Variants in ACVR1 observed in about 807,000 individuals in gnomAD.
ACVR1 encodes the protein activin receptor type-1.
In ACVR1, 38 loss-of-function variants were observed where a neutral mutation model predicts 57.1. The ratio of observed to expected loss-of-function variants is 0.67; its 90% CI spans 0.51 to 0.87. ACVR1 has a LOEUF of 0.87. ACVR1 is among the 40% of genes least tolerant of loss of function. ACVR1 has a pLI of 0.00. For synonymous variants in ACVR1, 212 were observed against 228.1 expected (o/e 0.93, Z 0.63); for missense variants, 463 against 638.2 (o/e 0.73, Z 2.96).
intron 3 of ACVR1, among the ~76,000 whole-genome samples, chr2:157,781,415 T>C (rs912940492): frequency 6.6e-6 from 1 of 152,220 alleles, no homozygotes; most frequent in African/African-American, 2.4e-5. Flanking sequence ...CAATCCATGG[T>C]ACCAATATTT....
intron 1 of ACVR1, among the ~76,000 whole-genome samples, chr2:157,822,147 C>T (rs763616861): frequency 6.6e-6 from 1 of 152,152 alleles, no homozygotes; most frequent in Non-Finnish European, 1.5e-5. Flanking sequence ...TGTATCTTGC[C>T]GTGGAATTGC....
intron 1 of ACVR1, among the ~76,000 whole-genome samples, chr2:157,868,560 CT>C: frequency 6.6e-6 from 1 of 151,996 alleles, no homozygotes; most frequent in East Asian, 1.9e-4. Context: ...CTTATATTTA[CT>C]TGCCCCATTC....
At chr2:157,863,336 C>CTTTTTTTTTTTTTTTTTTTTTTTTTTTTT (rs1161335923) in intron 1 of ACVR1, among the ~76,000 whole-genome samples, 1 of 35,674 alleles carries the variant, frequency 2.8e-5, no homozygotes, top group Admixed American at 6.0e-4. Context: ...AATTGTTTCT[C>CTTTTTTTTTTTTTTTTTTTTTTTTTTTTT]TTTTTTTTTT....
At chr2:157,865,475 G>A (rs954630332) in intron 1 of ACVR1, among the ~76,000 whole-genome samples, 4 of 152,150 alleles carry the variant, frequency 2.6e-5, no homozygotes, top group African/African-American at 9.7e-5. Flanking sequence ...ATACACAGGA[G>A]ATAGATGATT....
At chr2:157,831,757 T>C (rs182875845) in intron 1 of ACVR1, among the ~76,000 whole-genome samples, 133 of 152,310 alleles carry the variant, frequency 8.7e-4, no homozygotes, top group Non-Finnish European at 1.7e-3. Flanking sequence ...GAGAGCCCAA[T>C]CCTTGGCTTC....
chr2:157,769,834 C>G (rs927677916), intron 7 of ACVR1, among the ~76,000 whole-genome samples: 1 of 152,162 alleles, frequency 6.6e-6, no homozygotes, highest in Non-Finnish European at 1.5e-5. Context: ...AGTATTTCAA[C>G]GGGCACTTTA....
At chr2:157,786,179 A>T (rs1448962050) in intron 3 of ACVR1, among the ~76,000 whole-genome samples, 1 of 152,160 alleles carries the variant, frequency 6.6e-6, no homozygotes, top group Admixed American at 6.5e-5. Context: ...ACCCAGATTT[A>T]AAGTAGGAAC....
At chr2:157,806,702 A>G (rs916542619) in intron 2 of ACVR1, 1 of 152,350 alleles carries the variant, frequency 6.6e-6, no homozygotes, top group Admixed American at 6.5e-5. Flanking sequence ...TGTCAGTAAT[A>G]GCTGCAAAGA....
intron 4 of ACVR1, among the ~76,000 whole-genome samples, chr2:157,778,788 T>C (rs780697753): frequency 2.6e-5 from 4 of 152,222 alleles, no homozygotes; most frequent in Non-Finnish European, 4.4e-5. Context: ...GGTTTCTCAC[T>C]GATTTTTTTA....
intron 1 of ACVR1, among the ~76,000 whole-genome samples, chr2:157,845,078 G>A (rs942728660): frequency 1.3e-5 from 2 of 152,218 alleles, no homozygotes; most frequent in Non-Finnish European, 2.9e-5. Context: ...TAGTGAAAGA[G>A]GTGAGAATTA....
intron 2 of ACVR1, among the ~76,000 whole-genome samples, chr2:157,804,994 A>G (rs951026524): frequency 6.6e-6 from 1 of 152,166 alleles, no homozygotes; most frequent in African/African-American, 2.4e-5. Context: ...AGCCACAGAT[A>G]CCCCACAATG....
At chr2:157,757,388 T>C (rs192874038) in intron 9 of ACVR1, among the ~76,000 whole-genome samples, 3 of 151,902 alleles carry the variant, frequency 2.0e-5, no homozygotes, top group Admixed American at 1.3e-4. Flanking sequence ...CATCCACATA[T>C]AGGAAGCTCA....
At chr2:157,811,161 T>C (rs200591708) in intron 2 of ACVR1, among the ~76,000 whole-genome samples, 1 of 32,208 alleles carries the variant, frequency 3.1e-5, no homozygotes, top group Non-Finnish European at 4.0e-4. Flanking sequence ...GTATCTTTAC[T>C]TTTAATGCTT....
At chr2:157,860,332 C>T (rs959469819) in intron 1 of ACVR1, among the ~76,000 whole-genome samples, 2 of 152,212 alleles carry the variant, frequency 1.3e-5, no homozygotes, top group African/African-American at 2.4e-5. Context: ...AGTCACCCTA[C>T]TCAGGTAAGG....
intron 5 of ACVR1, among the ~76,000 whole-genome samples, chr2:157,776,818 A>G (rs1350059524): frequency 1.3e-5 from 2 of 152,270 alleles, no homozygotes; most frequent in Non-Finnish European, 2.9e-5. Context: ...GAACTATCAG[A>G]CACTTTGAAG....
At chr2:157,836,828 G>A (rs1464462624) in intron 1 of ACVR1, among the ~76,000 whole-genome samples, 3 of 152,120 alleles carry the variant, frequency 2.0e-5, no homozygotes, top group Non-Finnish European at 4.4e-5. Flanking sequence ...TAAAAGTAAT[G>A]TGTGCCCTTA....
intron 1 of ACVR1, among the ~76,000 whole-genome samples, chr2:157,836,570 T>C (rs10168000): frequency 0.65 from 99,126 of 152,166 alleles, 37,843 homozygotes; most frequent in South Asian, 0.82. Context: ...CCAGGTACTT[T>C]ACTCAAGATT....
At chr2:157,802,398 A>G (rs957386448) in intron 2 of ACVR1, among the ~76,000 whole-genome samples, 6 of 152,134 alleles carry the variant, frequency 3.9e-5, no homozygotes, top group African/African-American at 1.4e-4. Context: ...GCGAATACCC[A>G]AGAAGGCTAG....
At chr2:157,740,222 C>G (rs1288391009) in intron 9 of ACVR1, among the ~76,000 whole-genome samples, 2 of 151,898 alleles carry the variant, frequency 1.3e-5, no homozygotes, top group Admixed American at 1.3e-4. Context: ...AAATAACTTA[C>G]CCACATTGTG....
Sources: gnomAD v4.1 joint callset for allele counts (sites outside exome capture counted in the v4.1 genomes callset) on GRCh38, gnomAD v4.1.1 for gene constraint, MANE v1.5 for transcripts, NCBI Gene and HGNC (gene_info 2026-07-23, HGNC 2026-07-21) for gene names.